The following EEF1AKMT1 variants were observed in gnomAD, a reference collection of about 807,000 sequenced individuals.
EEF1AKMT1 encodes EEF1A lysine methyltransferase 1, also known as N-6 adenine-specific DNA methyltransferase 2 (putative).
EEF1AKMT1 carries 18 observed loss-of-function variants against 21.0 expected under a neutral mutation model. That is an observed-to-expected ratio of 0.86 (90% CI 0.59 to 1.27). The LOEUF (loss-of-function observed/expected upper bound fraction) is 1.27. Ranked by LOEUF, EEF1AKMT1 falls within the 50% of genes most tolerant of loss-of-function variation. The pLI is 0.00. For missense variants in EEF1AKMT1, 246 were observed against 258.6 expected, an observed-to-expected ratio of 0.95 and a Z score of 0.33; for synonymous variants, 109 against 94.8, an observed-to-expected ratio of 1.15 and a Z score of -0.87.
At chr13:20,739,236 T>C (rs932006127) in intron 2 of EEF1AKMT1, among the ~76,000 whole-genome samples, 1 of 152,094 alleles carries the variant, frequency 6.6e-6, no homozygotes, top group African/African-American at 2.4e-5. Flanking sequence ...ACCTTCACGG[T>C]GAGTGTTACA....
chr13:20,772,158 T>C (rs1224887498), intron 1 of EEF1AKMT1, among the ~76,000 whole-genome samples: 2 of 152,160 alleles, frequency 1.3e-5, no homozygotes, highest in African/African-American at 2.4e-5. Context: ...TGTTATATTA[T>C]TATTATTTTT....
intron 2 of EEF1AKMT1, among the ~76,000 whole-genome samples, chr13:20,752,774 C>G (rs1408512046): frequency 2.0e-5 from 3 of 151,960 alleles, no homozygotes; most frequent in African/African-American, 7.2e-5. Flanking sequence ...TCATCTGGTC[C>G]TGGACTTCAG....
chr13:20,757,270 G>A, intron 2 of EEF1AKMT1, 185 bp downstream of exon 2: 3 of 500,720 alleles, frequency 6.0e-6, no homozygotes, highest in Non-Finnish European at 6.8e-6. Flanking sequence ...TTCAAGAAAA[G>A]CTGTTACACT....
intron 3 of EEF1AKMT1, among the ~76,000 whole-genome samples, chr13:20,734,837 A>C (rs1484569993): frequency 6.6e-6 from 1 of 152,182 alleles, no homozygotes; most frequent in African/African-American, 2.4e-5. Flanking sequence ...TATATCTAAA[A>C]GCAGTGTCAC....
chr13:20,735,945 C>T (rs2084844272), intron 3 of EEF1AKMT1, among the ~76,000 whole-genome samples: 1 of 151,758 alleles, frequency 6.6e-6, no homozygotes, highest in Admixed American at 6.6e-5. Context: ...GAGGAATTCT[C>T]CCAGAAAGTA....
At chr13:20,766,919 C>T (rs1484806075) in intron 1 of EEF1AKMT1, among the ~76,000 whole-genome samples, 1 of 152,106 alleles carries the variant, frequency 6.6e-6, no homozygotes, top group Non-Finnish European at 1.5e-5. Context: ...TGTTGTCATA[C>T]ATTTTACTTT....
intron 2 of EEF1AKMT1, among the ~76,000 whole-genome samples, chr13:20,751,144 G>A (rs2058938001): frequency 6.6e-6 from 1 of 152,148 alleles, no homozygotes; most frequent in Non-Finnish European, 1.5e-5. Flanking sequence ...CCATTCTGCT[G>A]ATTGTTTCCT....
intron 2 of EEF1AKMT1, among the ~76,000 whole-genome samples, chr13:20,755,022 C>T (rs1321509257): frequency 6.6e-6 from 1 of 152,168 alleles, no homozygotes; most frequent in Non-Finnish European, 1.5e-5. Context: ...CTGTGCTATT[C>T]TTAGGGAGGG....
chr13:20,760,861 G>C (rs957675264), intron 1 of EEF1AKMT1, among the ~76,000 whole-genome samples: 1 of 152,148 alleles, frequency 6.6e-6, no homozygotes, highest in Non-Finnish European at 1.5e-5. Context: ...AAAAGAATCT[G>C]ATAATTTGGA....
chr13:20,740,241 C>T (rs1287519483), intron 2 of EEF1AKMT1, among the ~76,000 whole-genome samples: 2 of 152,226 alleles, frequency 1.3e-5, no homozygotes, highest in Non-Finnish European at 2.9e-5. Flanking sequence ...CCTGCCAAGC[C>T]CGCACCCACC....
At chr13:20,739,309 A>G (rs1003952023) in intron 2 of EEF1AKMT1, among the ~76,000 whole-genome samples, 2 of 152,220 alleles carry the variant, frequency 1.3e-5, no homozygotes, top group African/African-American at 4.8e-5. Flanking sequence ...GAGGAGCAAA[A>G]GAACAAACCT....
At chr13:20,770,764 C>T (rs2059058607) in intron 1 of EEF1AKMT1, among the ~76,000 whole-genome samples, 1 of 152,138 alleles carries the variant, frequency 6.6e-6, no homozygotes, top group South Asian at 2.1e-4. Flanking sequence ...CACCACAATA[C>T]TGCCTAGAAC....
intron 1 of EEF1AKMT1, among the ~76,000 whole-genome samples, chr13:20,772,739 C>T (rs535972704): frequency 2.8e-4 from 43 of 152,176 alleles, no homozygotes; most frequent in Admixed American, 4.6e-4. Flanking sequence ...AGCAAAGGGG[C>T]GGACACGTTA....
intron 1 of EEF1AKMT1, among the ~76,000 whole-genome samples, chr13:20,766,934 T>TG (rs1222942098): frequency 6.6e-6 from 1 of 152,188 alleles, no homozygotes; most frequent in Non-Finnish European, 1.5e-5. Flanking sequence ...TACTTTTACA[T>TG]TTGTTATAAA....
intron 3 of EEF1AKMT1, 34 bp from the exon 4 acceptor site, chr13:20,732,155 C>T (rs942864675): frequency 1.3e-6 from 2 of 1,570,864 alleles, no homozygotes; most frequent in Non-Finnish European, 1.7e-6. Flanking sequence ...ATGAAACATC[C>T]TTAACAGAGA....
At chr13:20,734,510 G>A (rs981739459) in intron 3 of EEF1AKMT1, among the ~76,000 whole-genome samples, 3 of 152,176 alleles carry the variant, frequency 2.0e-5, no homozygotes, top group African/African-American at 2.4e-5. Flanking sequence ...CCCTGACAAC[G>A]CACTTACAAC....
At chr13:20,740,142 C>T (rs1019271366) in intron 2 of EEF1AKMT1, among the ~76,000 whole-genome samples, 8 of 152,242 alleles carry the variant, frequency 5.3e-5, no homozygotes, top group Non-Finnish European at 1.2e-4. Context: ...TGCTGGGATC[C>T]GGCGCACCCT....
chr13:20,730,145 T>G (rs1270638038), intron 4 of EEF1AKMT1, among the ~76,000 whole-genome samples: 2 of 152,230 alleles, frequency 1.3e-5, no homozygotes, highest in Admixed American at 6.5e-5. Flanking sequence ...TAGTCTATTT[T>G]ATTATTATTT....
chr13:20,748,720 T>TTG (rs2058923401), intron 2 of EEF1AKMT1, among the ~76,000 whole-genome samples: 1 of 91,744 alleles, frequency 1.1e-5, no homozygotes, highest in African/African-American at 3.6e-5. Context: ...TAGTTGTTTT[T>TTG]TTTTGGTTTT....
Sources: allele counts gnomAD v4.1 joint callset (sites outside exome capture counted in the v4.1 genomes callset), GRCh38; gene constraint gnomAD v4.1.1; transcripts MANE v1.5; gene names NCBI Gene and HGNC (gene_info 2026-07-23, HGNC 2026-07-21).